The following VRK2 variants were observed in gnomAD, a reference collection of about 807,000 sequenced individuals.
The protein encoded by VRK2 is VRK serine/threonine kinase 2, also known as serine/threonine-protein kinase VRK2.
In VRK2, 60 loss-of-function variants were observed where a neutral mutation model predicts 57.6. The observed-to-expected ratio is 1.04, with a 90% CI of 0.85 to 1.29. VRK2 has a LOEUF of 1.29. VRK2 is among the 50% of genes most tolerant of loss of function. The pLI is 0.00. For missense variants in VRK2, 705 were observed against 588.1 expected, an observed-to-expected ratio of 1.20 and a Z score of -2.06; for synonymous variants, 231 against 199.2, an observed-to-expected ratio of 1.16 and a Z score of -1.35.
intron 7 of VRK2, among the ~76,000 whole-genome samples, chr2:58,104,526 C>T (rs1487896032): frequency 2.0e-5 from 3 of 151,724 alleles, no homozygotes; most frequent in Non-Finnish European, 3.0e-5. Context: ...AAGATCTCTA[C>T]AAGGAAAACT....
chr2:58,089,541 A>G lies in VRK2; in HGVS notation c.451-90A>G. 3 of 725,508 alleles carry G rather than the reference A, an allele frequency of 4.1e-6. No individual in the cohort carries two copies. The East Asian group carries it at 8.6e-5, about 21-fold the overall frequency. The allele number at this position is 725,508 out of a possible 1,614,324, so 44.9% of individuals were successfully genotyped here. On this transcript the variant is annotated intron_variant, in intron 6 of 12. Coordinates refer to ENST00000340157, the MANE Select transcript of VRK2 (RefSeq NM_006296.7). ...ATCGCTTTGTCAATGTTAATATGAA[A>G]AAACCCATGTTATTCTATATTCAAA...
intron 3 of VRK2, among the ~76,000 whole-genome samples, chr2:58,038,617 G>T (rs1040897038): frequency 6.6e-6 from 1 of 152,072 alleles, no homozygotes; most frequent in African/African-American, 2.4e-5. Flanking sequence ...ACCAGTCTCT[G>T]TTCCATAGTT....
At chr2:58,154,567 C>T (rs1044009453) in intron 12 of VRK2, among the ~76,000 whole-genome samples, 2 of 151,986 alleles carry the variant, frequency 1.3e-5, no homozygotes, top group Admixed American at 6.6e-5. Flanking sequence ...TCTAGCATGA[C>T]ATTAGCTATG....
At position 58,087,487 on chromosome 2, in the gene VRK2, C is replaced by T. The variant is rs115865716; in HGVS notation, c.345-854C>T. 5.6e-3 allele frequency among the ~76,000 whole-genome samples: 847 copies of T among 152,180 alleles called. 2 individuals are homozygous for T. The highest frequency in any genetic ancestry group is 0.015 in the African/African-American group (614 of 41,522). On this transcript the variant is annotated intron_variant, in intron 5 of 12. Transcript: ENST00000340157. Reference sequence around the variant, plus strand: ...GGAGAAAATACTTATAATATGATCACATTTTTGTAAAACAAATTCCTAAGT... The same window carrying T: ...GGAGAAAATACTTATAATATGATCATATTTTTGTAAAACAAATTCCTAAGT...
intron 1 of VRK2, among the ~76,000 whole-genome samples, chr2:57,990,854 TAC>T (rs34097486): frequency 0.13 from 19,294 of 148,536 alleles, 1,448 homozygotes; most frequent in African/African-American, 0.2. Flanking sequence ...CACACAGACA[TAC>T]ACACACACAC....
intron 1 of VRK2, among the ~76,000 whole-genome samples, chr2:58,047,876 G>A (rs376584117): frequency 6.6e-6 from 1 of 152,154 alleles, no homozygotes; most frequent in South Asian, 2.1e-4. Context: ...TTTCTTTTAT[G>A]GAAGCTAGGA....
In VRK2 at chr2:57,927,292, T is replaced by C. The variant is rs554034979; in HGVS notation, c.-439+19453T>C. On this transcript the variant is annotated intron_variant, in intron 1 of 15. Coordinates refer to the VRK2 transcript ENST00000417641. ...TCATATTTTAGTCTTTTTTTTTTTT[T>C]TTGAGATGAAGTCTCGCTCTATCGC... Among the ~76,000 whole-genome samples the C allele has an allele frequency of 6.6e-5, 10 of 151,680 alleles. No individual in the cohort carries two copies. The South Asian group carries it at 1.9e-3, about 28-fold the overall frequency.
chr2:58,070,592 T>C (rs927519905), intron 2 of VRK2, among the ~76,000 whole-genome samples: 1 of 152,196 alleles, frequency 6.6e-6, no homozygotes, highest in Non-Finnish European at 1.5e-5. Flanking sequence ...CTTTTCAGAC[T>C]AGCTTCTTTC....
intron 10 of VRK2, among the ~76,000 whole-genome samples, chr2:58,136,915 CAT>C (rs1167434878): frequency 0.098 from 7,546 of 77,254 alleles, 550 homozygotes; most frequent in African/African-American, 0.19. Context: ...ATATATATAT[CAT>C]ATATGTGTAT....
intron 1 of VRK2, among the ~76,000 whole-genome samples, chr2:57,938,494 A>AGAAG (rs10674407): frequency 0.3 from 45,874 of 151,808 alleles, 7,997 homozygotes; most frequent in African/African-American, 0.5. Context: ...AATCCATTGT[A>AGAAG]ATTTTTGTAA....
chr2:58,006,723 A>C (rs1477949173), intron 1 of VRK2, among the ~76,000 whole-genome samples: 1 of 152,142 alleles, frequency 6.6e-6, no homozygotes, highest in African/African-American at 2.4e-5. Flanking sequence ...CAAAGCAACA[A>C]TCAGAAGAGC....
At chr2:58,073,652 ATT>A (rs1270839905) in intron 2 of VRK2, among the ~76,000 whole-genome samples, 586 of 17,184 alleles carry the variant, frequency 0.034, 8 homozygotes, top group African/African-American at 0.16. Flanking sequence ...ATATATATAT[ATT>A]TATATTTATA....
intron 7 of VRK2, among the ~76,000 whole-genome samples, chr2:58,091,617 A>T (rs1672387779): frequency 6.6e-6 from 1 of 151,988 alleles, no homozygotes; most frequent in African/African-American, 2.4e-5. Flanking sequence ...CTTAATAAAA[A>T]TTTTTTCAAA....
intron 7 of VRK2, among the ~76,000 whole-genome samples, chr2:58,116,795 G>T (rs183539842): frequency 1.3e-5 from 2 of 152,184 alleles, no homozygotes; most frequent in African/African-American, 4.8e-5. Context: ...ATGGGGTCCC[G>T]CACAGATGGG....
intron 1 of VRK2, among the ~76,000 whole-genome samples, chr2:57,918,324 C>G (rs1309328917): frequency 1.4e-5 from 2 of 146,094 alleles, no homozygotes; most frequent in African/African-American, 5.2e-5. Context: ...GTGGACAGCT[C>G]ATGCTAATGC....
intron 3 of VRK2, among the ~76,000 whole-genome samples, chr2:58,036,672 C>T (rs1444406585): frequency 2.0e-5 from 3 of 152,068 alleles, no homozygotes; most frequent in South Asian, 2.1e-4. Flanking sequence ...ATGGTGTTGG[C>T]TAAAGAATAG....
chr2:58,072,147 G>A (rs1293238409), intron 2 of VRK2, among the ~76,000 whole-genome samples: 1 of 151,994 alleles, frequency 6.6e-6, no homozygotes, highest in Non-Finnish European at 1.5e-5. Flanking sequence ...CCATACTGAT[G>A]TATTAAGTCC....
At chr2:57,923,174 A>G (rs1292503696) in intron 1 of VRK2, among the ~76,000 whole-genome samples, 1 of 152,066 alleles carries the variant, frequency 6.6e-6, no homozygotes, top group Admixed American at 6.6e-5. Context: ...ATGGTGCTGC[A>G]ATAAACATAG....
At position 58,073,648 on chromosome 2, in the gene VRK2, ATATATTTATATT is replaced by A. The variant is rs60045741; in HGVS notation, c.137-10417_137-10406del. Among the ~76,000 whole-genome samples the A allele has an allele frequency of 7.7e-3, 1,093 of 142,220 alleles. 5 individuals carry two copies. The highest frequency in any genetic ancestry group is 0.011 in the Non-Finnish European group (724 of 65,528). The allele number at this position is 142,220 out of a possible 152,430, so 93.3% of individuals were successfully genotyped here. ...AGAACTAATAGGATTATATATATAT[ATATATTTATATT>A]TATATTTATATTTATATTTATATAA... On this transcript the variant is annotated intron_variant, in intron 2 of 12. Transcript: ENST00000340157.
Sources: gnomAD v4.1 joint callset for allele counts (sites outside exome capture counted in the v4.1 genomes callset) on GRCh38, gnomAD v4.1.1 for gene constraint, MANE v1.5 for transcripts, NCBI Gene and HGNC (gene_info 2026-07-23, HGNC 2026-07-21) for gene names.